PGR: variants seen among roughly 807,000 people sequenced by gnomAD.
The protein encoded by PGR is progesterone receptor.
In PGR, 25 loss-of-function variants were observed where a neutral mutation model predicts 76.1. The ratio of observed to expected loss-of-function variants is 0.33; its 90% CI spans 0.24 to 0.46. The LOEUF (loss-of-function observed/expected upper bound fraction) is 0.46. Ranked by LOEUF, PGR falls within the 20% of genes least tolerant of loss-of-function variation. The pLI is 1.00. For missense variants in PGR, 1,172 were observed against 1,225.3 expected, an observed-to-expected ratio of 0.96 and a Z score of 0.65; for synonymous variants, 579 against 535.0, an observed-to-expected ratio of 1.08 and a Z score of -1.14.
intron 3 of PGR, among the ~76,000 whole-genome samples, chr11:101,066,204 C>A (rs1390358384): frequency 6.6e-6 from 1 of 152,146 alleles, no homozygotes; most frequent in East Asian, 1.9e-4. Flanking sequence ...CTCCTTATCC[C>A]AACCAAATTA....
At chr11:101,122,082 G>C (rs1303406750) in intron 2 of PGR, among the ~76,000 whole-genome samples, 1 of 148,782 alleles carries the variant, frequency 6.7e-6, no homozygotes, top group Non-Finnish European at 1.5e-5. Flanking sequence ...ATGAACCCGG[G>C]AGGCGGAGCT....
intron 4 of PGR, among the ~76,000 whole-genome samples, chr11:101,057,862 C>A (rs1375802364): frequency 6.6e-6 from 1 of 152,030 alleles, no homozygotes; most frequent in African/African-American, 2.4e-5. Flanking sequence ...GTGTAATAAG[C>A]AGTTGAAAGT....
intron 3 of PGR, among the ~76,000 whole-genome samples, chr11:101,066,820 C>G (rs556959367): frequency 1.3e-5 from 2 of 152,118 alleles, no homozygotes; most frequent in Admixed American, 1.3e-4. Flanking sequence ...AAATATAACC[C>G]AAATCCAAAT....
intron 7 of PGR, 150 bp from the exon 8 acceptor site, chr11:101,039,421 A>AT: frequency 3.1e-6 from 2 of 635,768 alleles, no homozygotes; most frequent in South Asian, 1.9e-5. Flanking sequence ...AACTCCCACC[A>AT]TTTTCTAGAA....
chr11:101,032,186 CTATGT>C lies in PGR; in HGVS notation c.*6925_*6929del, dbSNP rs1484109398. 5.2e-5 allele frequency: 12 copies of C among 232,704 alleles called. No homozygotes were observed. The highest frequency in any genetic ancestry group is 9.3e-5 in the Non-Finnish European group (11 of 117,840). The allele number at this position is 232,704 out of a possible 1,614,324, so 14.4% of individuals were successfully genotyped here. On this transcript the variant is annotated 3_prime_UTR_variant, in exon 8 of 8. Transcript: ENST00000325455. ...CCTTTCGTCAGTCCTGTCAATGTTCCTATGTTATATCTTCCAAAACCCTTCTGGAA... is the reference window on the plus strand; with the variant it reads ...CCTTTCGTCAGTCCTGTCAATGTTCCTATATCTTCCAAAACCCTTCTGGAA...
At chr11:101,111,532 A>G (rs1297869895) in intron 2 of PGR, among the ~76,000 whole-genome samples, 1 of 152,196 alleles carries the variant, frequency 6.6e-6, no homozygotes, top group African/African-American at 2.4e-5. Context: ...CTCTGAGCCA[A>G]GCAGAACTTT....
intron 3 of PGR, among the ~76,000 whole-genome samples, chr11:101,083,655 A>G (rs1295137864): frequency 6.6e-6 from 1 of 152,186 alleles, no homozygotes; most frequent in Non-Finnish European, 1.5e-5. Context: ...GAGCTTTAAT[A>G]TTTAATGACT....
rs1230199760 is a variant in PGR at position 101,128,596 on chromosome 11, G to T, written c.475C>A (p.Arg159=). 5 of 1,592,860 alleles carry T rather than the reference G, an allele frequency of 3.1e-6. No homozygotes were observed. In the Admixed American group the frequency reaches 8.7e-5, roughly 28 times the overall value. Residue 159 remains arginine, a synonymous_variant, in exon 1 of 8, where the codon CGG becomes AGG. Coordinates refer to ENST00000325455, the MANE Select transcript of PGR (RefSeq NM_000926.4). The part of the protein sequence containing the change: ...EDPPAAPATQ[R]VLSPLMSRSG... ...CGGCTCATGAGCGGGGACAACACCC[G>T]CTGGGTGGCGGGGGCAGCCGGTGGA...
chr11:101,042,220 A>C (rs1019455696), intron 6 of PGR, 118 bp from the exon 7 acceptor site: 1 of 945,174 alleles, frequency 1.1e-6, no homozygotes, highest in Admixed American at 2.2e-5. Flanking sequence ...TAGAAAAAAA[A>C]CACCTTATAT....
Position 101,127,547 on chromosome 11 carries a change from G to GGCC in PGR, c.1521_1523dup (p.Ala508dup). On this transcript the variant is annotated inframe_insertion, in exon 1 of 8. Transcript: ENST00000325455. ...GGCCGAGTGCAGGGTAGAGCGCGGG[G>GGCC]GCCGCCCCGGCGGCGGCGGCAGAGG... is the stretch of plus-strand genomic sequence containing the variant. 1 of 1,406,202 alleles carries GGCC rather than the reference G, an allele frequency of 7.1e-7. No individual in the cohort carries two copies. Among genetic ancestry groups the GGCC allele is most frequent in the East Asian group, 3.0e-5 (1 of 33,002 alleles). The allele number at this position is 1,406,202 out of a possible 1,614,324, so 87.1% of individuals were successfully genotyped here.
At chr11:101,056,358 G>T (rs1454777666) in intron 4 of PGR, among the ~76,000 whole-genome samples, 2 of 152,086 alleles carry the variant, frequency 1.3e-5, no homozygotes, top group East Asian at 3.9e-4. Flanking sequence ...GATGGCCTGG[G>T]GCTGGGTGTG....
At position 101,062,521 on chromosome 11, in the gene PGR, G is replaced by T; in HGVS notation, c.2138C>A (p.Ser713Tyr). ...HDNTKPDTSS[S>Y]LLTSLNQLGE... ...TAGTTGATTAAGACTTGTCAGCAAA[G>T]AACTGGAGGTGTCAGGTTTTGTGTT... The change falls in exon 4 of 8, where the codon TCT becomes TAT. Residue 713 changes from serine to tyrosine, a missense_variant. By Grantham distance (144) the Ser-to-Tyr change is moderately radical. This residue lies in a region of PGR where 166 missense variants were observed against 296.0 expected (regional missense o/e 0.56). Coordinates refer to ENST00000325455, the MANE Select transcript of PGR (RefSeq NM_000926.4). The T allele has an allele frequency of 6.2e-7, 1 of 1,614,006 alleles. No homozygotes were observed. Among genetic ancestry groups the T allele is most frequent in the Non-Finnish European group, 8.5e-7 (1 of 1,179,900 alleles).
intron 2 of PGR, among the ~76,000 whole-genome samples, chr11:101,123,792 A>G (rs374318142): frequency 1.3e-5 from 2 of 152,328 alleles, no homozygotes; most frequent in East Asian, 3.9e-4. Flanking sequence ...CATATACATT[A>G]CAGAATTGCT....
intron 2 of PGR, among the ~76,000 whole-genome samples, chr11:101,098,764 A>T (rs1260478573): frequency 1.3e-5 from 2 of 152,212 alleles, no homozygotes; most frequent in African/African-American, 4.8e-5. Context: ...TCCCAATGGA[A>T]GAGAGTGGCA....
At chr11:101,048,734 G>T (rs1338826090) in intron 6 of PGR, among the ~76,000 whole-genome samples, 1 of 152,070 alleles carries the variant, frequency 6.6e-6, no homozygotes, top group Admixed American at 6.6e-5. Context: ...CACTACGATA[G>T]CCTTTATAAA....
At chr11:101,122,852 T>C (rs933230931) in intron 2 of PGR, among the ~76,000 whole-genome samples, 2 of 152,172 alleles carry the variant, frequency 1.3e-5, no homozygotes, top group African/African-American at 2.4e-5. Context: ...TATGTCTTCT[T>C]ATTGCTGCCC....
intron 2 of PGR, among the ~76,000 whole-genome samples, chr11:101,098,308 C>G (rs1397529718): frequency 1.3e-5 from 2 of 152,100 alleles, no homozygotes; most frequent in Non-Finnish European, 1.5e-5. Context: ...AATATGAGCA[C>G]AAGTGAACAT....
At chr11:101,083,262 G>A (rs142132471) in intron 3 of PGR, among the ~76,000 whole-genome samples, 2,801 of 152,342 alleles carry the variant, frequency 0.018, 63 homozygotes, top group African/African-American at 0.051. Context: ...CCTCCACCTA[G>A]ATTTCAGAGG....
chr11:101,126,263 A>G lies in PGR; in HGVS notation c.1638-105T>C, dbSNP rs1489594101. ...AACAGGGTGAAAGGAGATTTTAAAAACAGAACTGTATATATACACTTGAAA... is the reference window on the plus strand; with the variant it reads ...AACAGGGTGAAAGGAGATTTTAAAAGCAGAACTGTATATATACACTTGAAA... On this transcript the variant is annotated intron_variant, in intron 1 of 7. Transcript: ENST00000325455. 9.6e-6 allele frequency: 10 copies of G among 1,043,248 alleles called. No homozygotes were observed. The African/African-American group carries it at 1.6e-4, about 16-fold the overall frequency. The allele number at this position is 1,043,248 out of a possible 1,614,324, so 64.6% of individuals were successfully genotyped here.
Sources: gnomAD v4.1 joint callset for allele counts (sites outside exome capture counted in the v4.1 genomes callset) on GRCh38, gnomAD v4.1.1 for gene constraint, gnomAD v4.1.1 regional missense constraint, MANE v1.5 for transcripts, NCBI Gene and HGNC (gene_info 2026-07-23, HGNC 2026-07-21) for gene names.